ADGRL3: variants seen among roughly 807,000 people sequenced by gnomAD.
ADGRL3 encodes the protein adhesion G protein-coupled receptor L3.
Under a neutral mutation model 153.5 loss-of-function variants are expected in ADGRL3, and 62 were observed. That is an observed-to-expected ratio of 0.40 (90% CI 0.33 to 0.50). The LOEUF is 0.50. ADGRL3 is among the 20% of genes least tolerant of loss of function. The probability of loss-of-function intolerance (pLI) is 0.47; values close to 1 mark genes in which losing one functional copy is unlikely to be tolerated. For synonymous variants in ADGRL3, 710 were observed against 672.5 expected (o/e 1.06, Z -0.86); for missense variants, 1,641 against 1,859.4 (o/e 0.88, Z 2.16).
intron 6 of ADGRL3, among the ~76,000 whole-genome samples, chr4:61,712,454 A>T (rs2096014141): frequency 6.6e-6 from 1 of 152,136 alleles, no homozygotes; most frequent in Non-Finnish European, 1.5e-5. Flanking sequence ...TTGAAATCCT[A>T]AACTCATACA....
At chr4:61,544,513 T>C (rs767793807) in intron 4 of ADGRL3, among the ~76,000 whole-genome samples, 1 of 152,330 alleles carries the variant, frequency 6.6e-6, no homozygotes, top group Non-Finnish European at 1.5e-5. Context: ...TATCTCCCTT[T>C]AGATACATGT....
intron 2 of ADGRL3, among the ~76,000 whole-genome samples, chr4:61,494,753 T>C (rs1037773351): frequency 6.6e-5 from 10 of 152,124 alleles, no homozygotes; most frequent in African/African-American, 2.4e-4. Context: ...ATGAGCTTTG[T>C]TTCCCATAAT....
At chr4:61,752,343 G>A (rs1321034298) in intron 8 of ADGRL3, among the ~76,000 whole-genome samples, 2 of 152,078 alleles carry the variant, frequency 1.3e-5, no homozygotes, top group Non-Finnish European at 2.9e-5. Flanking sequence ...CCTATTACTA[G>A]CCTGGAAAGC....
chr4:61,602,504 G>T (rs2099016266), intron 5 of ADGRL3, among the ~76,000 whole-genome samples: 1 of 152,118 alleles, frequency 6.6e-6, no homozygotes, highest in African/African-American at 2.4e-5. Context: ...GTAACGTACA[G>T]AAAGCCCCCA....
chr4:61,298,430 T>G (rs1006417049), intron 1 of ADGRL3, among the ~76,000 whole-genome samples: 1 of 152,208 alleles, frequency 6.6e-6, no homozygotes, highest in East Asian at 1.9e-4. Context: ...AGTTTTTGAA[T>G]CATTTCATTA....
intron 8 of ADGRL3, among the ~76,000 whole-genome samples, chr4:61,767,691 T>G (rs1185296399): frequency 6.6e-6 from 1 of 152,102 alleles, no homozygotes; most frequent in East Asian, 1.9e-4. Flanking sequence ...GGACGTGGCT[T>G]AGGAGGAATC....
chr4:61,385,371 CCT>C (rs1212582715), intron 2 of ADGRL3: 1 of 152,302 alleles, frequency 6.6e-6, no homozygotes, highest in Non-Finnish European at 1.5e-5. Flanking sequence ...TCGCCTGACT[CCT>C]CTCCTAACAT....
intron 4 of ADGRL3, among the ~76,000 whole-genome samples, chr4:61,578,530 T>C (rs1200944264): frequency 1.3e-5 from 2 of 152,110 alleles, no homozygotes; most frequent in African/African-American, 4.8e-5. Flanking sequence ...ATTATGTCAT[T>C]ATATTATATC....
intron 9 of ADGRL3, among the ~76,000 whole-genome samples, chr4:61,852,205 A>G (rs1433450876): frequency 6.6e-6 from 1 of 152,150 alleles, no homozygotes; most frequent in East Asian, 1.9e-4. Flanking sequence ...ACTGATATAC[A>G]TTGTTGCATT....
chr4:61,683,586 C>T (rs2095384643), intron 6 of ADGRL3, among the ~76,000 whole-genome samples: 1 of 151,994 alleles, frequency 6.6e-6, no homozygotes, highest in African/African-American at 2.4e-5. Flanking sequence ...AAAGTGAAGA[C>T]ACCACTCAAA....
At chr4:61,472,913 G>C (rs1304506545) in intron 2 of ADGRL3, among the ~76,000 whole-genome samples, 1 of 152,034 alleles carries the variant, frequency 6.6e-6, no homozygotes, top group Non-Finnish European at 1.5e-5. Context: ...TTATTATTTG[G>C]TACATTTTCT....
chr4:61,431,090 T>C (rs1262016608), intron 2 of ADGRL3, among the ~76,000 whole-genome samples: 1 of 152,212 alleles, frequency 6.6e-6, no homozygotes, highest in African/African-American at 2.4e-5. Flanking sequence ...TTCCTTTAAT[T>C]TTAAATTTCT....
In ADGRL3 at chr4:61,922,989, T is replaced by A. The variant is rs532939586; in HGVS notation, c.2112+10232T>A. ...ACTTCGTGCGGATCAGGGAAGACTT[T>A]CTAAGGAAGTGATAGGCAATTCAGC... On this transcript the variant is annotated intron_variant, in intron 13 of 26. Coordinates refer to ENST00000683033, the MANE Select transcript of ADGRL3 (RefSeq NM_001387552.1). Among the ~76,000 whole-genome samples, 126 of 152,312 alleles carry A rather than the reference T, an allele frequency of 8.3e-4. 1 individual carries two copies. Among genetic ancestry groups the A allele is most frequent in the African/African-American group, 3.0e-3 (124 of 41,572 alleles).
At position 61,998,199 on chromosome 4, in the gene ADGRL3, CT is replaced by C; in HGVS notation, c.3332del (p.Leu1111TyrfsTer11). On this transcript the variant is annotated frameshift_variant, in exon 21 of 27. Coordinates refer to ENST00000683033, the MANE Select transcript of ADGRL3 (RefSeq NM_001387552.1). LOFTEE classifies it high-confidence loss of function. ...CTTAATGTAATCTTCCTTGGGATTG[CT>C]TTATATAAAATGTTTCATCATACTG... ...IMLNVIFLGI[A>X]LYKMFHHTAI... 6.3e-7 allele frequency: 1 copy of C among 1,581,868 alleles called. No homozygotes were observed. The highest frequency in any genetic ancestry group is 8.6e-7 in the Non-Finnish European group (1 of 1,163,092).
In ADGRL3 at chr4:61,593,097, TAAAG is replaced by T. The variant is rs377400888; in HGVS notation, c.473+5661_473+5664del. Among the ~76,000 whole-genome samples, 936 of 152,300 alleles carry T rather than the reference TAAAG, an allele frequency of 6.1e-3. 14 individuals are homozygous for T. The highest frequency in any genetic ancestry group is 0.021 in the African/African-American group (853 of 41,578). On this transcript the variant is annotated intron_variant, in intron 5 of 26. Transcript: ENST00000683033. ...CGATGACAACTTAACACTGATTGCA[TAAAG>T]AAACAGACTCACAAAAAGGAAACTA...
chr4:61,579,668 AT>A (rs1209883769), intron 4 of ADGRL3: 6 of 459,936 alleles, frequency 1.3e-5, no homozygotes, highest in East Asian at 6.8e-5. Context: ...ACTCATTAGA[AT>A]TTTTTTCTAT....
chr4:61,305,912 A>G (rs1005808702), intron 1 of ADGRL3, among the ~76,000 whole-genome samples: 1 of 151,948 alleles, frequency 6.6e-6, no homozygotes, highest in African/African-American at 2.4e-5. Context: ...TTCCTTGTTT[A>G]TGGTTTCTTC....
chr4:61,342,631 A>G (rs748952191), intron 1 of ADGRL3, among the ~76,000 whole-genome samples: 1 of 151,924 alleles, frequency 6.6e-6, no homozygotes, highest in Non-Finnish European at 1.5e-5. Context: ...TGGCTCTCCA[A>G]CCTTCTTTCC....
At chr4:61,763,665 C>T (rs2096939456) in intron 8 of ADGRL3, among the ~76,000 whole-genome samples, 1 of 151,952 alleles carries the variant, frequency 6.6e-6, no homozygotes. Context: ...GCCAAAAATA[C>T]ATAAATTTAA....
Sources: allele counts gnomAD v4.1 joint callset (sites outside exome capture counted in the v4.1 genomes callset), GRCh38; gene constraint gnomAD v4.1.1; transcripts MANE v1.5; gene names NCBI Gene and HGNC (gene_info 2026-07-23, HGNC 2026-07-21).